CTNND2: variants seen among roughly 807,000 people sequenced by gnomAD.
CTNND2 encodes the protein catenin delta 2.
Under a neutral mutation model 144.4 loss-of-function variants are expected in CTNND2, and 22 were observed. That is an observed-to-expected ratio of 0.15 (90% CI 0.11 to 0.22). The LOEUF (loss-of-function observed/expected upper bound fraction) is 0.22. Among genes scored for constraint, CTNND2 ranks in the 10% least tolerant of loss-of-function variants. CTNND2 has a pLI of 1.00. For missense variants in CTNND2, 1,353 were observed against 1,618.8 expected (o/e 0.84, Z 2.82); for synonymous variants, 751 against 695.6 (o/e 1.08, Z -1.25).
At chr5:11,682,997 A>T (rs1474488217) in intron 2 of CTNND2, among the ~76,000 whole-genome samples, 1 of 152,250 alleles carries the variant, frequency 6.6e-6, no homozygotes, top group Non-Finnish European at 1.5e-5. Flanking sequence ...ATTGGAACAG[A>T]ATACATAGCC....
intron 11 of CTNND2, among the ~76,000 whole-genome samples, chr5:11,192,960 A>G (rs1000003620): frequency 1.3e-5 from 2 of 152,144 alleles, no homozygotes; most frequent in African/African-American, 2.4e-5. Context: ...GGGGGTCACA[A>G]TGACTTGCTT....
chr5:11,381,731 G>C (rs1008947501), intron 7 of CTNND2, among the ~76,000 whole-genome samples: 3 of 152,198 alleles, frequency 2.0e-5, no homozygotes, highest in Non-Finnish European at 4.4e-5. Flanking sequence ...ACTTTGGGAG[G>C]CCGAGGCGGG....
chr5:11,807,766 T>C (rs916043158), intron 1 of CTNND2, among the ~76,000 whole-genome samples: 1 of 152,214 alleles, frequency 6.6e-6, no homozygotes, highest in African/African-American at 2.4e-5. Context: ...TCTGTCTGCA[T>C]GTTCCCACAG....
intron 6 of CTNND2, among the ~76,000 whole-genome samples, chr5:11,393,339 G>C (rs1417895224): frequency 6.6e-6 from 1 of 152,156 alleles, no homozygotes; most frequent in African/African-American, 2.4e-5. Flanking sequence ...AATTCTACTG[G>C]AGAATATGCA....
chr5:11,497,221 GACT>G (rs1214405333), intron 3 of CTNND2, among the ~76,000 whole-genome samples: 1 of 150,606 alleles, frequency 6.6e-6, no homozygotes, highest in African/African-American at 2.5e-5. Flanking sequence ...TCACTCATGT[GACT>G]ACTTTTTTTT....
intron 2 of CTNND2, among the ~76,000 whole-genome samples, chr5:11,638,567 T>C (rs1781830661): frequency 6.6e-6 from 1 of 152,134 alleles, no homozygotes; most frequent in Admixed American, 6.6e-5. Context: ...GCTATCCTTA[T>C]AACTGTACAG....
chr5:11,176,573 G>T (rs985005152), intron 11 of CTNND2, among the ~76,000 whole-genome samples: 1 of 152,052 alleles, frequency 6.6e-6, no homozygotes, highest in Non-Finnish European at 1.5e-5. Context: ...TTGAAAACAA[G>T]ATGAATTCCT....
intron 2 of CTNND2, among the ~76,000 whole-genome samples, chr5:11,717,563 C>T (rs7729045): frequency 1.8e-4 from 25 of 135,632 alleles, no homozygotes; most frequent in Admixed American, 1.6e-3. Flanking sequence ...GGAGACAGAG[C>T]AAGAGACTGT....
intron 2 of CTNND2, among the ~76,000 whole-genome samples, chr5:11,606,687 A>C (rs1780063307): frequency 6.6e-6 from 1 of 152,162 alleles, no homozygotes; most frequent in South Asian, 2.1e-4. Context: ...CAGCTTTATA[A>C]GTGTGTCATA....
At chr5:11,773,996 T>C (rs553661898) in intron 1 of CTNND2, among the ~76,000 whole-genome samples, 3 of 152,216 alleles carry the variant, frequency 2.0e-5, no homozygotes, top group African/African-American at 7.2e-5. Context: ...ATAGATAAAA[T>C]ACTAAACATG....
At chr5:11,367,715 A>G (rs527616623) in intron 7 of CTNND2, among the ~76,000 whole-genome samples, 37 of 152,322 alleles carry the variant, frequency 2.4e-4, no homozygotes, top group Non-Finnish European at 1.5e-5. Context: ...CTTGCCAATT[A>G]TGCTGGTGCA....
chr5:11,784,528 T>C (rs1050233261), intron 1 of CTNND2, among the ~76,000 whole-genome samples: 2 of 152,208 alleles, frequency 1.3e-5, no homozygotes, highest in African/African-American at 2.4e-5. Context: ...TATCCTTCCA[T>C]TGATTAGACT....
At chr5:11,030,428 C>T (rs1045538302) in intron 16 of CTNND2, among the ~76,000 whole-genome samples, 4 of 151,552 alleles carry the variant, frequency 2.6e-5, no homozygotes, top group African/African-American at 7.3e-5. Flanking sequence ...TCCTTTTCTT[C>T]GATCTTTTTT....
intron 3 of CTNND2, among the ~76,000 whole-genome samples, chr5:11,418,467 T>C (rs1469770632): frequency 6.6e-6 from 1 of 152,114 alleles, no homozygotes; most frequent in African/African-American, 2.4e-5. Flanking sequence ...GTTAGAGCAA[T>C]ATGAATTCTG....
chr5:11,594,478 T>C (rs1469058013), intron 2 of CTNND2, among the ~76,000 whole-genome samples: 3 of 152,226 alleles, frequency 2.0e-5, no homozygotes, highest in African/African-American at 4.8e-5. Flanking sequence ...ATGTTCTTGA[T>C]TTTAAAAAAT....
intron 12 of CTNND2, among the ~76,000 whole-genome samples, chr5:11,138,137 C>A (rs1181003264): frequency 2.0e-5 from 3 of 152,196 alleles, no homozygotes; most frequent in Admixed American, 6.5e-5. Context: ...CAGCTTCTAG[C>A]AACTGTGTGT....
At chr5:11,035,797 G>A (rs1404366575) in intron 16 of CTNND2, among the ~76,000 whole-genome samples, 1 of 151,632 alleles carries the variant, frequency 6.6e-6, no homozygotes, top group African/African-American at 2.4e-5. Context: ...TTATGGAAAG[G>A]TTGAGAAGAA....
intron 1 of CTNND2, among the ~76,000 whole-genome samples, chr5:11,763,678 C>T (rs10069606): frequency 0.95 from 145,098 of 152,300 alleles, 69,505 homozygotes; most frequent in East Asian, 1. Context: ...TTCACTGACA[C>T]AATTTCAGAT....
At chr5:11,207,882 G>C (rs1028535842) in intron 10 of CTNND2, among the ~76,000 whole-genome samples, 13 of 152,024 alleles carry the variant, frequency 8.6e-5, no homozygotes, top group African/African-American at 3.1e-4. Flanking sequence ...ATGGTCAATA[G>C]AGTAAAACTA....
Sources: gnomAD v4.1 joint callset for allele counts (sites outside exome capture counted in the v4.1 genomes callset) on GRCh38, gnomAD v4.1.1 for gene constraint, MANE v1.5 for transcripts, NCBI Gene and HGNC (gene_info 2026-07-23, HGNC 2026-07-21) for gene names.